FBXO11: variants seen among roughly 807,000 people sequenced by gnomAD.
FBXO11 encodes the protein F-box only protein 11.
In FBXO11, 13 loss-of-function variants were observed where a neutral mutation model predicts 117.0. The ratio of observed to expected loss-of-function variants is 0.11; its 90% CI spans 0.07 to 0.18. The LOEUF is 0.18. Ranked by LOEUF, FBXO11 falls within the 10% of genes least tolerant of loss-of-function variation. The pLI is 1.00. For synonymous variants in FBXO11, 490 were observed against 380.5 expected, an observed-to-expected ratio of 1.29 and a Z score of -3.35; for missense variants, 767 against 1,164.4, an observed-to-expected ratio of 0.66 and a Z score of 4.97.
chr2:47,810,448 G>A, intron 18 of FBXO11, 22 bp from the exon 19 acceptor site: 1 of 1,513,018 alleles, frequency 6.6e-7, no homozygotes, highest in South Asian at 1.2e-5. Flanking sequence ...TATTTCCTTA[G>A]ATTAAGGCTA....
At chr2:47,818,930 C>A in intron 15 of FBXO11, 26 bp downstream of exon 15, 1 of 1,597,094 alleles carries the variant, frequency 6.3e-7, no homozygotes. Context: ...ATGTATTTCC[C>A]ATCCAAGAGT....
At chr2:47,854,852 T>G (rs1056973240) in intron 1 of FBXO11, among the ~76,000 whole-genome samples, 7 of 60,752 alleles carry the variant, frequency 1.2e-4, no homozygotes, top group African/African-American at 2.0e-4. Context: ...CTTTATTCTG[T>G]TTTTTTTTTT....
chr2:47,852,296 C>G (rs1014618500), intron 1 of FBXO11, among the ~76,000 whole-genome samples: 4 of 152,060 alleles, frequency 2.6e-5, no homozygotes, highest in African/African-American at 9.7e-5. Flanking sequence ...GGCCAGCAAC[C>G]ATTTTATTGA....
At chr2:47,889,097 CA>C (rs1457222468) in intron 1 of FBXO11, among the ~76,000 whole-genome samples, 3 of 152,078 alleles carry the variant, frequency 2.0e-5, no homozygotes, top group Admixed American at 1.3e-4. Flanking sequence ...TATAAGTTAG[CA>C]GTATTTTTTT....
intron 11 of FBXO11, among the ~76,000 whole-genome samples, chr2:47,827,844 G>A (rs961933388): frequency 5.3e-5 from 8 of 151,912 alleles, no homozygotes; most frequent in African/African-American, 1.7e-4. Flanking sequence ...TTACAGGTGG[G>A]TGCCACCATG....
At position 47,885,332 on chromosome 2, in the gene FBXO11, G is replaced by A. The variant is rs189768631; in HGVS notation, c.232+20157C>T. On this transcript the variant is annotated intron_variant, in intron 1 of 22. Transcript: ENST00000403359. The stretch of plus-strand genomic sequence containing the variant: ...GTGTAAGCCAGGTGCGGTGGCTCAC[G>A]CCTGTAATCCCAGCACTTTGGGAGG... Among the ~76,000 whole-genome samples the A allele has an allele frequency of 2.6e-5, 4 of 152,296 alleles. No homozygotes were observed. The East Asian group carries it at 7.7e-4, about 29-fold the overall frequency.
intron 12 of FBXO11, 74 bp from the exon 13 acceptor site, chr2:47,822,377 C>A: frequency 1.1e-6 from 1 of 872,700 alleles, no homozygotes; most frequent in Non-Finnish European, 1.8e-6. Context: ...AACGGTAAGG[C>A]CCCTCATGGT....
intron 1 of FBXO11, among the ~76,000 whole-genome samples, chr2:47,881,377 T>C (rs1255035419): frequency 6.6e-6 from 1 of 152,236 alleles, no homozygotes; most frequent in Non-Finnish European, 1.5e-5. Flanking sequence ...GTTCTTTCAA[T>C]ATCTAGGAAG....
At chr2:47,872,903 AG>A (rs1675728230) in intron 1 of FBXO11, among the ~76,000 whole-genome samples, 1 of 152,216 alleles carries the variant, frequency 6.6e-6, no homozygotes, top group African/African-American at 2.4e-5. Context: ...TTGCTTTTAA[AG>A]GGACATTTAA....
At chr2:47,834,907 C>T (rs1397832274) in intron 5 of FBXO11, 36 bp from the exon 6 acceptor site, 9 of 1,409,484 alleles carry the variant, frequency 6.4e-6, no homozygotes, top group East Asian at 2.3e-5. Context: ...CCATTGACTA[C>T]TAACATAAAC....
chr2:47,903,388 T>C (rs981025462), intron 1 of FBXO11, among the ~76,000 whole-genome samples: 2 of 152,158 alleles, frequency 1.3e-5, no homozygotes, highest in African/African-American at 4.8e-5. Flanking sequence ...TACCATTTGG[T>C]TGGGTACATA....
rs545591953 is a variant in FBXO11, at chr2:47,807,869, T to C, written c.*249A>G. 2.2e-5 allele frequency: 8 copies of C among 362,240 alleles called. 1 individual carries two copies. The South Asian group carries it at 4.2e-4, about 19-fold the overall frequency. The allele number at this position is 362,240 out of a possible 1,614,324, so 22.4% of individuals were successfully genotyped here. ...TTGGTATCTGTACAAAATTGCAGCT[T>C]ATTTTCTTCACTTCTGTCCCTTCAA... On this transcript the variant is annotated 3_prime_UTR_variant, in exon 23 of 23. Transcript: ENST00000403359.
At chr2:47,869,661 TAGTTATAAAGA>T (rs932683390) in intron 1 of FBXO11, among the ~76,000 whole-genome samples, 3 of 152,190 alleles carry the variant, frequency 2.0e-5, no homozygotes, top group Non-Finnish European at 2.9e-5. Flanking sequence ...TGGGTAGTGG[TAGTTATAAAGA>T]AGTTATAAAG....
chr2:47,836,061 T>C (rs989068881), intron 4 of FBXO11, 60 bp from the exon 5 acceptor site: 4 of 1,268,512 alleles, frequency 3.2e-6, no homozygotes, highest in Non-Finnish European at 1.1e-6. Flanking sequence ...TAATACAGTT[T>C]TGAACAACTA....
intron 11 of FBXO11, among the ~76,000 whole-genome samples, chr2:47,831,932 A>C (rs1473185027): frequency 6.6e-6 from 1 of 152,178 alleles, no homozygotes; most frequent in Non-Finnish European, 1.5e-5. Flanking sequence ...CTCAAAGTAT[A>C]CTCTACAAAC....
chr2:47,819,247 C>T (rs934423743), intron 14 of FBXO11, among the ~76,000 whole-genome samples, 169 bp from the exon 15 acceptor site: 8 of 152,222 alleles, frequency 5.3e-5, no homozygotes, highest in Middle Eastern at 3.4e-3. Flanking sequence ...AATGGAGTCT[C>T]GCTCTGTCGC....
intron 1 of FBXO11, among the ~76,000 whole-genome samples, chr2:47,887,422 C>A (rs551224939): frequency 2.6e-5 from 4 of 151,416 alleles, no homozygotes; most frequent in African/African-American, 9.7e-5. Flanking sequence ...AACAAAATAA[C>A]TGACTTTCCC....
chr2:47,904,764 C>A (rs895688978), intron 1 of FBXO11, among the ~76,000 whole-genome samples: 1 of 151,872 alleles, frequency 6.6e-6, no homozygotes, highest in African/African-American at 2.4e-5. Context: ...GCACTGCACA[C>A]GAGGGAGGGG....
intron 11 of FBXO11, among the ~76,000 whole-genome samples, chr2:47,828,007 A>G (rs915375417): frequency 1.3e-5 from 2 of 152,128 alleles, no homozygotes; most frequent in African/African-American, 4.8e-5. Context: ...AAATTTTTTA[A>G]GAAGACGGGA....
Sources: gnomAD v4.1 joint callset for allele counts (sites outside exome capture counted in the v4.1 genomes callset) on GRCh38, gnomAD v4.1.1 for gene constraint, MANE v1.5 for transcripts, NCBI Gene and HGNC (gene_info 2026-07-23, HGNC 2026-07-21) for gene names.